The following PTCHD4 variants were observed in gnomAD, a reference collection of about 807,000 sequenced individuals.
The protein encoded by PTCHD4 is patched domain-containing protein 4.
PTCHD4 carries 33 observed loss-of-function variants against 58.1 expected under a neutral mutation model. The observed-to-expected ratio is 0.57, with a 90% CI of 0.43 to 0.76. PTCHD4 has a LOEUF of 0.76. Among genes scored for constraint, PTCHD4 ranks in the 30% least tolerant of loss-of-function variants. The pLI is 0.00. For synonymous variants in PTCHD4, 478 were observed against 409.6 expected, an observed-to-expected ratio of 1.17 and a Z score of -2.02; for missense variants, 1,058 against 1,027.1, an observed-to-expected ratio of 1.03 and a Z score of -0.41.
intron 4 of PTCHD4, among the ~76,000 whole-genome samples, chr6:48,001,283 G>C (rs1374947231): frequency 6.6e-6 from 1 of 152,158 alleles, no homozygotes; most frequent in Admixed American, 6.5e-5. Context: ...AACCAAAAAA[G>C]AGCTCACATT....
chr6:47,873,187 C>T lies in PTCHD4; in HGVS notation c.*5116G>A, dbSNP rs772614395. Among the ~76,000 whole-genome samples the T allele has an allele frequency of 6.6e-6, 1 of 151,716 alleles. No homozygotes were observed. Among genetic ancestry groups the T allele is most frequent in the African/African-American group, 2.4e-5 (1 of 41,394 alleles). Reference sequence around the variant, plus strand: ...ATCTAACAAATGAGAACCCAGTCTTCAAGTGCAATGTATTTGCCTATGATC... The same window carrying T: ...ATCTAACAAATGAGAACCCAGTCTTTAAGTGCAATGTATTTGCCTATGATC... On this transcript the variant is annotated 3_prime_UTR_variant, in exon 5 of 5. Transcript: ENST00000339488.
intron 3 of PTCHD4, among the ~76,000 whole-genome samples, chr6:48,034,786 T>G (rs1340813699): frequency 6.6e-6 from 1 of 152,124 alleles, no homozygotes; most frequent in Non-Finnish European, 1.5e-5. Flanking sequence ...AAATTTTGCT[T>G]TTCACTCCTT....
chr6:48,046,724 T>C (rs781485335), intron 3 of PTCHD4, among the ~76,000 whole-genome samples: 4 of 151,876 alleles, frequency 2.6e-5, no homozygotes, highest in Admixed American at 1.3e-4. Context: ...ACATCTAATT[T>C]ATTATACAAC....
intron 3 of PTCHD4, among the ~76,000 whole-genome samples, chr6:48,057,246 C>A (rs1465468832): frequency 6.7e-6 from 1 of 149,896 alleles, no homozygotes; most frequent in Non-Finnish European, 1.5e-5. Context: ...TCGTGTATCT[C>A]AGGACCACTC....
At chr6:47,910,050 G>GAGTTT (rs1017434267) in intron 4 of PTCHD4, among the ~76,000 whole-genome samples, 1 of 152,180 alleles carries the variant, frequency 6.6e-6, no homozygotes, top group African/African-American at 2.4e-5. Flanking sequence ...CAAAAGCAGT[G>GAGTTT]AGTTTAGTAG....
intron 3 of PTCHD4, among the ~76,000 whole-genome samples, chr6:48,030,892 C>A (rs916580227): frequency 6.6e-6 from 1 of 152,080 alleles, no homozygotes; most frequent in Non-Finnish European, 1.5e-5. Context: ...ACTGCTTGTA[C>A]CATCCAGCAA....
intron 4 of PTCHD4, among the ~76,000 whole-genome samples, chr6:48,005,975 C>T (rs1333180232): frequency 1.3e-5 from 2 of 152,174 alleles, no homozygotes; most frequent in East Asian, 3.9e-4. Flanking sequence ...ATCTTGGCCT[C>T]TTTTCTACTA....
intron 1 of PTCHD4, among the ~76,000 whole-genome samples, chr6:48,072,823 C>T (rs960529526): frequency 1.3e-5 from 2 of 152,052 alleles, no homozygotes; most frequent in Admixed American, 6.5e-5. Context: ...TTTCCTGCAA[C>T]CTCCCATTTC....
rs560465263 is a variant in PTCHD4, at chr6:48,060,051, T to A, written c.417+8179A>T. Among the ~76,000 whole-genome samples, 13 of 152,362 alleles carry A rather than the reference T, an allele frequency of 8.5e-5. No individual in the cohort carries two copies. The South Asian group carries it at 1.2e-3, about 15-fold the overall frequency. On this transcript the variant is annotated intron_variant, in intron 3 of 4. Coordinates refer to ENST00000339488, the MANE Select transcript of PTCHD4 (RefSeq NM_001384253.1). ...TCTATGTGATTGTGTGTGTGTGTGCTTTCTTTAACAAGACTCAAGCTCCCG... is the reference window on the plus strand; with the variant it reads ...TCTATGTGATTGTGTGTGTGTGTGCATTCTTTAACAAGACTCAAGCTCCCG...
chr6:48,009,320 T>C (rs1489447713), intron 3 of PTCHD4, among the ~76,000 whole-genome samples: 1 of 152,188 alleles, frequency 6.6e-6, no homozygotes, highest in Non-Finnish European at 1.5e-5. Context: ...GCAGAAAATA[T>C]GCAAAAAGTA....
Position 47,861,230 on chromosome 6 carries a change from T to A in PTCHD4, c.*17073A>T, listed in dbSNP as rs1763418042. Among the ~76,000 whole-genome samples the A allele has an allele frequency of 6.6e-6, 1 of 152,006 alleles. No individual in the cohort carries two copies. Among genetic ancestry groups the A allele is most frequent in the Non-Finnish European group, 1.5e-5 (1 of 67,938 alleles). On this transcript the variant is annotated 3_prime_UTR_variant, in exon 5 of 5. Transcript: ENST00000339488. ...CTTCTAAATATGTCTTAGTCATTGC[T>A]GTGCTAAATAGAAGAGGTGGCAACA...
intron 1 of PTCHD4, among the ~76,000 whole-genome samples, chr6:48,070,155 G>GTATA (rs910679496): frequency 5.0e-5 from 5 of 100,266 alleles, no homozygotes; most frequent in African/African-American, 1.9e-4. Flanking sequence ...GTGTGTGTGT[G>GTATA]TATATATATA....
In PTCHD4 at chr6:47,943,644, A is replaced by C. The variant is rs181315715; in HGVS notation, c.899-63708T>G. ...TGCTTGTTTTTGTAAACAACGTTTT[A>C]TTGGAACATAGCCAAACTCATTTAT... is the stretch of plus-strand genomic sequence containing the variant. On this transcript the variant is annotated intron_variant, in intron 4 of 4. Transcript: ENST00000339488. Among the ~76,000 whole-genome samples, 782 of 152,220 alleles carry C rather than the reference A, an allele frequency of 5.1e-3. 4 individuals carry two copies. Among genetic ancestry groups the C allele is most frequent in the African/African-American group, 0.017 (707 of 41,564 alleles).
At chr6:47,991,602 A>G (rs937651796) in intron 4 of PTCHD4, among the ~76,000 whole-genome samples, 1 of 152,154 alleles carries the variant, frequency 6.6e-6, no homozygotes, top group South Asian at 2.1e-4. Flanking sequence ...TATCGAAAAG[A>G]AATAACGAGG....
At position 47,964,855 on chromosome 6, in the gene PTCHD4, G is replaced by A. The variant is rs1487599836; in HGVS notation, c.898+43779C>T. Reference sequence around the variant, plus strand: ...TACCCTACTACAGCAGTAAAGTTTAGTTGAAATAACATTTTATTTTCTATG... The same window carrying A: ...TACCCTACTACAGCAGTAAAGTTTAATTGAAATAACATTTTATTTTCTATG... On this transcript the variant is annotated intron_variant, in intron 4 of 4. Coordinates refer to ENST00000339488, the MANE Select transcript of PTCHD4 (RefSeq NM_001384253.1). Among the ~76,000 whole-genome samples, 8 of 152,104 alleles carry A rather than the reference G, an allele frequency of 5.3e-5. No individual in the cohort carries two copies. The South Asian group carries it at 8.3e-4, about 16-fold the overall frequency.
At chr6:47,906,272 G>T (rs2114157349) in intron 4 of PTCHD4, among the ~76,000 whole-genome samples, 1 of 152,256 alleles carries the variant, frequency 6.6e-6, no homozygotes, top group South Asian at 2.1e-4. Flanking sequence ...TTTCAGTTAG[G>T]CCAGTTCACA....
intron 4 of PTCHD4, among the ~76,000 whole-genome samples, chr6:48,000,384 T>A (rs1431691272): frequency 6.6e-6 from 1 of 152,188 alleles, no homozygotes; most frequent in Non-Finnish European, 1.5e-5. Context: ...ACTCAACACC[T>A]ACTTAATTCT....
At chr6:47,961,977 G>C (rs1286141694) in intron 4 of PTCHD4, among the ~76,000 whole-genome samples, 1 of 152,020 alleles carries the variant, frequency 6.6e-6, no homozygotes, top group African/African-American at 2.4e-5. Context: ...GAAAACAAAA[G>C]CTTGTTCTTT....
chr6:47,886,746 T>G (rs1764205547), intron 4 of PTCHD4, among the ~76,000 whole-genome samples: 1 of 152,250 alleles, frequency 6.6e-6, no homozygotes, highest in Non-Finnish European at 1.5e-5. Context: ...TGTTCACTTC[T>G]TTGGCATTAT....
Sources: gnomAD v4.1 joint callset for allele counts (sites outside exome capture counted in the v4.1 genomes callset) on GRCh38, gnomAD v4.1.1 for gene constraint, MANE v1.5 for transcripts, NCBI Gene and HGNC (gene_info 2026-07-23, HGNC 2026-07-21) for gene names.